Variants in RBL2 observed in about 807,000 individuals in gnomAD.
RBL2 encodes retinoblastoma-like protein 2.
In RBL2, 56 loss-of-function variants were observed where a neutral mutation model predicts 126.0. That is an observed-to-expected ratio of 0.44 (90% CI 0.36 to 0.56). RBL2 has a LOEUF of 0.56. RBL2 is among the 20% of genes least tolerant of loss of function. RBL2 has a pLI of 0.00. For missense variants in RBL2, 1,229 were observed against 1,398.2 expected, an observed-to-expected ratio of 0.88 and a Z score of 1.93; for synonymous variants, 454 against 478.5, an observed-to-expected ratio of 0.95 and a Z score of 0.67.
chr16:53,477,012 A>G (rs546256476), intron 17 of RBL2, among the ~76,000 whole-genome samples: 105 of 152,148 alleles, frequency 6.9e-4, no homozygotes, highest in Non-Finnish European at 1.1e-3. Context: ...CATTAGGTCA[A>G]TATTTTCTAA....
At chr16:53,467,960 C>T (rs920804483) in intron 14 of RBL2, among the ~76,000 whole-genome samples, 2 of 152,134 alleles carry the variant, frequency 1.3e-5, no homozygotes, top group African/African-American at 4.8e-5. Flanking sequence ...TTGAGCTGTG[C>T]TACCCTAGTT....
rs567369501 is a variant in RBL2 at position 53,436,393 on chromosome 16, A to G, written c.240+1597A>G. Among the ~76,000 whole-genome samples the G allele has an allele frequency of 1.4e-4, 22 of 152,270 alleles. No individual in the cohort carries two copies. In the East Asian group the frequency reaches 2.1e-3, roughly 15 times the overall value. Reference sequence around the variant, plus strand: ...TTTTGAAAACATGTTTGATTACTCAATTCTTTTGATTACTGAGACTTTAGT... The same window carrying G: ...TTTTGAAAACATGTTTGATTACTCAGTTCTTTTGATTACTGAGACTTTAGT... On this transcript the variant is annotated intron_variant, in intron 1 of 21. Transcript: ENST00000262133.
In RBL2 at chr16:53,480,783, G is replaced by T; in HGVS notation, c.3084+14G>T. On this transcript the variant is annotated intron_variant, in intron 20 of 21. Coordinates refer to ENST00000262133, the MANE Select transcript of RBL2 (RefSeq NM_005611.4). ...TCACAGGCAAATGTAAGTATGACAG[G>T]GATTATTTCATACTTTTTTCACTCA... The T allele has an allele frequency of 1.3e-6, 2 of 1,598,070 alleles. No individual in the cohort carries two copies. The highest frequency in any genetic ancestry group is 1.1e-5 in the South Asian group (1 of 90,676).
chr16:53,457,449 C>T (rs1257745577), intron 8 of RBL2, among the ~76,000 whole-genome samples: 1 of 151,246 alleles, frequency 6.6e-6, no homozygotes, highest in African/African-American at 2.4e-5. Flanking sequence ...TTAGTAGAAA[C>T]GGCATTTCAC....
chr16:53,475,831 A>G (rs374162066), intron 17 of RBL2, among the ~76,000 whole-genome samples: 19 of 134,850 alleles, frequency 1.4e-4, no homozygotes, highest in African/African-American at 4.7e-4. Flanking sequence ...TAATATTTCA[A>G]TATCTTTTTT....
At chr16:53,437,505 A>G (rs1008954509) in intron 1 of RBL2, among the ~76,000 whole-genome samples, 1 of 152,180 alleles carries the variant, frequency 6.6e-6, no homozygotes. Context: ...AAGTTGTATC[A>G]CTTCTTGAGT....
intron 2 of RBL2, among the ~76,000 whole-genome samples, chr16:53,439,519 C>A (rs369469925): frequency 6.6e-6 from 1 of 152,102 alleles, no homozygotes; most frequent in Non-Finnish European, 1.5e-5. Context: ...AATATGTGCA[C>A]AGGACTTGTG....
At position 53,437,891 on chromosome 16, in the gene RBL2, G is replaced by A. The variant is rs146007184; in HGVS notation, c.241-1125G>A. ...AAATACAAAAAATTAGCTGAGCGTG[G>A]TGGTGGGCACCTGTAGTCCCAGCTA... On this transcript the variant is annotated intron_variant, in intron 1 of 21. Coordinates refer to ENST00000262133, the MANE Select transcript of RBL2 (RefSeq NM_005611.4). Among the ~76,000 whole-genome samples, 1,356 of 152,096 alleles carry A rather than the reference G, an allele frequency of 8.9e-3. 14 individuals are homozygous for A. Among genetic ancestry groups the A allele is most frequent in the Non-Finnish European group, 0.015 (1,022 of 67,982 alleles).
intron 7 of RBL2, 85 bp downstream of exon 7, chr16:53,453,854 T>G (rs1215518974): frequency 8.4e-7 from 1 of 1,184,774 alleles, no homozygotes; most frequent in African/African-American, 1.6e-5. Flanking sequence ...TTGTTTGTAC[T>G]CTGGAAACTG....
In RBL2 at chr16:53,491,192, G is replaced by A. The variant is rs1435841909; in HGVS notation, c.*892G>A. On this transcript the variant is annotated 3_prime_UTR_variant, in exon 22 of 22. Coordinates refer to ENST00000262133, the MANE Select transcript of RBL2 (RefSeq NM_005611.4). ...GATTTTAATCAAGTTGAATTGAGGG[G>A]ATTAATATGAAAACTTATGACCTCT... The A allele has an allele frequency of 6.6e-6, 1 of 152,172 alleles. No homozygotes were observed. The allele number at this position is 152,172 out of a possible 1,614,324, so 9.4% of individuals were successfully genotyped here.
intron 17 of RBL2, among the ~76,000 whole-genome samples, chr16:53,475,505 T>G (rs909420588): frequency 2.6e-5 from 4 of 152,070 alleles, no homozygotes; most frequent in South Asian, 2.1e-4. Context: ...CATGAGCCCC[T>G]GTGCCCTGCT....
chr16:53,467,083 G>A lies in RBL2; in HGVS notation c.1889G>A (p.Arg630Lys), dbSNP rs2058279361. 6.2e-7 allele frequency: 1 copy of A among 1,613,870 alleles called. No individual in the cohort carries two copies. The highest frequency in any genetic ancestry group is 8.5e-7 in the Non-Finnish European group (1 of 1,179,946). The change falls in exon 14 of 22, where the codon AGG becomes AAG. Residue 630 changes from arginine to lysine, a missense_variant. Physicochemically the swap from Arg to Lys is conservative, Grantham distance 26. This residue lies in a region of RBL2 where 1,070 missense variants were observed against 1,274.3 expected (regional missense o/e 0.84). Transcript: ENST00000262133. ...GTCATGCCACCTCAGAACCTGGAAA[G>A]GGCAGATGAAATTTGCATTGCTGGC... The part of the protein sequence containing the change: ...EEVMPPQNLE[R>K]ADEICIAGSP...
chr16:53,475,477 A>G (rs1049662912), intron 17 of RBL2, among the ~76,000 whole-genome samples: 10 of 152,146 alleles, frequency 6.6e-5, no homozygotes, highest in African/African-American at 2.4e-4. Flanking sequence ...TGGCCTCCCA[A>G]AGTGCTGGGA....
At chr16:53,460,819 G>T (rs1200057802) in intron 9 of RBL2, among the ~76,000 whole-genome samples, 2 of 152,036 alleles carry the variant, frequency 1.3e-5, no homozygotes, top group Non-Finnish European at 2.9e-5. Flanking sequence ...TTTTCACAAA[G>T]AATATGTATA....
rs781473044 is a variant in RBL2 at position 53,459,417 on chromosome 16, T to A, written c.1180-34T>A. Reference sequence around the variant, plus strand: ...CTAAAATAATGTTCTTTAAAAAATGTTTATTAATTCTGTGTAATTTTTTTT... The same window carrying A: ...CTAAAATAATGTTCTTTAAAAAATGATTATTAATTCTGTGTAATTTTTTTT... On this transcript the variant is annotated intron_variant, in intron 8 of 21. Coordinates refer to ENST00000262133, the MANE Select transcript of RBL2 (RefSeq NM_005611.4). 5.1e-6 allele frequency: 8 copies of A among 1,554,898 alleles called. No homozygotes were observed. In the African/African-American group the frequency reaches 1.1e-4, roughly 22 times the overall value.
chr16:53,465,453 A>G lies in RBL2; in HGVS notation c.1714A>G (p.Ile572Val), dbSNP rs144371880. The stretch of plus-strand genomic sequence containing the variant: ...TTTATTTCAGGTGATAGAAGTATTC[A>G]TTAGAGCAGAAGATGGCCTTTGTAG... ...YHFYKVIEVF[I>V]RAEDGLCREV... Residue 572 changes from isoleucine (I) to valine (V), a missense_variant, in exon 13 of 22, where the codon ATT becomes GTT. Ile to Val is a conservative substitution (Grantham distance 29). Transcript: ENST00000262133. 4.4e-5 allele frequency: 66 copies of G among 1,511,292 alleles called. No individual in the cohort carries two copies. The African/African-American group carries it at 8.9e-4, about 20-fold the overall frequency. 93.6% of individuals were successfully genotyped at this position (1,511,292 alleles called of 1,614,324 possible).
chr16:53,448,984 C>T (rs939798658), intron 4 of RBL2: 1 of 152,148 alleles, frequency 6.6e-6, no homozygotes, highest in Non-Finnish European at 1.5e-5. Flanking sequence ...TGAGAGCCGC[C>T]ATCCTTCCTT....
chr16:53,455,843 G>A (rs146127371), intron 8 of RBL2, among the ~76,000 whole-genome samples: 85 of 152,302 alleles, frequency 5.6e-4, no homozygotes, highest in African/African-American at 2.0e-3. Context: ...GAATGCTAGT[G>A]TGGTAGGAAT....
chr16:53,479,944 A>T lies in RBL2; in HGVS notation c.2834A>T (p.Asp945Val). 6.2e-7 allele frequency: 1 copy of T among 1,612,252 alleles called. No homozygotes were observed. Among genetic ancestry groups the T allele is most frequent in the Non-Finnish European group, 8.5e-7 (1 of 1,178,776 alleles). The change falls in exon 19 of 22, where the codon GAT becomes GTT. Residue 945 changes from aspartate to valine, a missense_variant. Physicochemically the swap from Asp to Val is radical, Grantham distance 152. This residue lies in a region of RBL2 where 1,070 missense variants were observed against 1,274.3 expected (regional missense o/e 0.84). Coordinates refer to ENST00000262133, the MANE Select transcript of RBL2 (RefSeq NM_005611.4). Reference sequence around the variant, plus strand: ...AAAAGAAGAAATTCTGGCAGCAGTGATAGCAGAAGCCATCAGAATTCTCCA... The same window carrying T: ...AAAAGAAGAAATTCTGGCAGCAGTGTTAGCAGAAGCCATCAGAATTCTCCA... ...KRKRRNSGSS[D>V]SRSHQNSPTE...
Sources: gnomAD v4.1 joint callset for allele counts (sites outside exome capture counted in the v4.1 genomes callset) on GRCh38, gnomAD v4.1.1 for gene constraint, gnomAD v4.1.1 regional missense constraint, MANE v1.5 for transcripts, NCBI Gene and HGNC (gene_info 2026-07-23, HGNC 2026-07-21) for gene names.